USP24: variants seen among roughly 807,000 people sequenced by gnomAD.
USP24 encodes ubiquitin carboxyl-terminal hydrolase 24.
A neutral mutation model predicts 361.6 loss-of-function variants in USP24; 97 were observed. The ratio of observed to expected loss-of-function variants is 0.27; its 90% CI spans 0.23 to 0.32. The LOEUF is 0.32. Among genes scored for constraint, USP24 ranks in the 10% least tolerant of loss-of-function variants. The pLI, the probability that USP24 is intolerant of heterozygous loss-of-function variation, is 1.00. For missense variants in USP24, 2,353 were observed against 3,165.6 expected (o/e 0.74, Z 6.16); for synonymous variants, 1,098 against 1,124.6 (o/e 0.98, Z 0.47).
At position 55,215,291 on chromosome 1, in the gene USP24, C is replaced by G. The variant is rs947139739; in HGVS notation, c.-178G>C. On this transcript the variant is annotated 5_prime_UTR_variant, in exon 1 of 68. Transcript: ENST00000294383. ...GGGTGCGGGCTTGGGTCCTGCGAGCCGAGCTAGTGCGGTGAGGCGCTCAGG... is the reference window on the plus strand; with the variant it reads ...GGGTGCGGGCTTGGGTCCTGCGAGCGGAGCTAGTGCGGTGAGGCGCTCAGG... Among the ~76,000 whole-genome samples, 2 of 151,776 alleles carry G rather than the reference C, an allele frequency of 1.3e-5. No homozygotes were observed. Among genetic ancestry groups the G allele is most frequent in the Non-Finnish European group, 2.9e-5 (2 of 67,908 alleles).
chr1:55,165,751 G>A (rs929155848), intron 7 of USP24, 134 bp downstream of exon 7: 12 of 611,294 alleles, frequency 2.0e-5, no homozygotes, highest in East Asian at 1.4e-4. Context: ...TATCAGGACC[G>A]TGGAATCTGC....
At chr1:55,170,287 A>G (rs1649314571) in intron 5 of USP24, among the ~76,000 whole-genome samples, 1 of 152,056 alleles carries the variant, frequency 6.6e-6, no homozygotes, top group African/African-American at 2.4e-5. Context: ...CCTTTGTGGT[A>G]ATGAGAGGAA....
intron 38 of USP24, among the ~76,000 whole-genome samples, chr1:55,115,983 C>G (rs1272741320): frequency 6.6e-6 from 1 of 151,974 alleles, no homozygotes; most frequent in Non-Finnish European, 1.5e-5. Flanking sequence ...CACATGGACA[C>G]AGGGAGGGGA....
chr1:55,124,633 A>G lies in USP24; in HGVS notation c.3961-5T>C, dbSNP rs41312664. The G allele has an allele frequency of 5.3e-5, 85 of 1,613,750 alleles. No individual in the cohort carries two copies. The highest frequency in any genetic ancestry group is 7.1e-5 in the Non-Finnish European group (84 of 1,179,820). On this transcript the variant is annotated splice_region_variant and splice_polypyrimidine_tract_variant and intron_variant, in intron 34 of 67. Coordinates refer to ENST00000294383, the MANE Select transcript of USP24 (RefSeq NM_015306.3). ...GAAATCACTTACTTCCATTGTCTAA[A>G]GAATGGAACAAGTATTATGAGAAAG... is the stretch of plus-strand genomic sequence containing the variant.
chr1:55,073,005 C>T, intron 64 of USP24, 144 bp from the exon 65 acceptor site: 1 of 746,658 alleles, frequency 1.3e-6, no homozygotes, highest in Non-Finnish European at 2.1e-6. Context: ...CTAGAGTAGT[C>T]AAATTCATGG....
chr1:55,092,256 T>C (rs1645399808), intron 53 of USP24, 130 bp from the exon 54 acceptor site: 1 of 513,542 alleles, frequency 1.9e-6, no homozygotes, highest in South Asian at 4.1e-5. Flanking sequence ...AGTTAAATAC[T>C]AATAAGAAGA....
intron 1 of USP24, among the ~76,000 whole-genome samples, chr1:55,192,142 G>A (rs1306444402): frequency 8.1e-6 from 1 of 122,734 alleles, no homozygotes. Flanking sequence ...AAGTTAATAA[G>A]AGAGTTTAAT....
rs1557675716 is a variant in USP24, at chr1:55,178,715, AT to A, written c.325-584del. 4.9e-3 allele frequency among the ~76,000 whole-genome samples: 634 copies of A among 129,554 alleles called. 14 individuals carry two copies. The highest frequency in any genetic ancestry group is 0.024 in the African/African-American group (596 of 25,194). 85.0% of individuals were successfully genotyped at this position (129,554 alleles called of 152,430 possible). ...AATAAATAAATAAATAAATAAATAA[AT>A]AAATAAATAAATAAAAAGAACTGTC... is the stretch of plus-strand genomic sequence containing the variant. On this transcript the variant is annotated intron_variant, in intron 1 of 67. Transcript: ENST00000294383.
At chr1:55,186,954 A>G (rs1161855456) in intron 1 of USP24, among the ~76,000 whole-genome samples, 2 of 152,222 alleles carry the variant, frequency 1.3e-5, no homozygotes, top group Non-Finnish European at 2.9e-5. Flanking sequence ...CTTTAAAATA[A>G]TATACAAAGA....
At chr1:55,168,958 CAA>C (rs1649172300) in intron 5 of USP24, among the ~76,000 whole-genome samples, 1 of 151,870 alleles carries the variant, frequency 6.6e-6, no homozygotes, top group Non-Finnish European at 1.5e-5. Flanking sequence ...AATGAACAAA[CAA>C]ATAAGTATAC....
In USP24 at chr1:55,094,030, C is replaced by T. The variant is rs376169704; in HGVS notation, c.6261G>A (p.Pro2087=). 2.4e-4 allele frequency: 388 copies of T among 1,613,722 alleles called. No individual in the cohort carries two copies. Among genetic ancestry groups the T allele is most frequent in the Non-Finnish European group, 3.2e-4 (377 of 1,179,792 alleles). ...SPQSSPRPHR[P]NNDRLSILTK... is the part of the protein sequence containing the mutation. ...TAAGAATAGACAGCCGGTCATTGTT[C>T]GGCCTATGGGGCCGAGGGGATGACT... is the stretch of plus-strand genomic sequence containing the variant. Residue 2087 remains proline (P), a synonymous_variant, in exon 52 of 68, where the codon CCG becomes CCA. Coordinates refer to ENST00000294383, the MANE Select transcript of USP24 (RefSeq NM_015306.3).
chr1:55,132,708 T>C lies in USP24; in HGVS notation c.3382-8A>G, dbSNP rs368383889. 7 of 1,609,342 alleles carry C rather than the reference T, an allele frequency of 4.3e-6. No individual in the cohort carries two copies. The African/African-American group carries it at 9.4e-5, about 22-fold the overall frequency. On this transcript the variant is annotated splice_region_variant and splice_polypyrimidine_tract_variant and intron_variant, in intron 30 of 67. Transcript: ENST00000294383. ...TTCAGACAGCAATGTTTTCTAAGTT[T>C]AAGAGAATGAGAAAGACATAAACTA...
At position 55,078,584 on chromosome 1, in the gene USP24, C is replaced by G. The variant is rs754436968; in HGVS notation, c.7268G>C (p.Cys2423Ser). 1.2e-5 allele frequency: 20 copies of G among 1,612,058 alleles called. No individual in the cohort carries two copies. The highest frequency in any genetic ancestry group is 2.7e-5 in the African/African-American group (2 of 74,802). Residue 2423 changes from cysteine to serine, a missense_variant, in exon 61 of 68, where the codon TGT (cysteine) becomes TCT (serine). By Grantham distance (112) the Cys-to-Ser change is moderately radical (BLOSUM62 -1). Coordinates refer to ENST00000294383, the MANE Select transcript of USP24 (RefSeq NM_015306.3). ...LALIEMVVYC[C>S]FCNEHFSFTM... ...GAAGGAAAAATGCTCATTACAGAAACAGCAGTACACTACCATCTCAATGAG... is the reference window on the plus strand; with the variant it reads ...GAAGGAAAAATGCTCATTACAGAAAGAGCAGTACACTACCATCTCAATGAG...
chr1:55,147,085 A>G, intron 18 of USP24, 25 bp from the exon 19 acceptor site: 1 of 1,519,960 alleles, frequency 6.6e-7, no homozygotes, highest in South Asian at 1.3e-5. Flanking sequence ...AATGCTAATT[A>G]GTTAACTCCA....
chr1:55,194,388 C>A (rs886100716), intron 1 of USP24, among the ~76,000 whole-genome samples: 1 of 152,144 alleles, frequency 6.6e-6, no homozygotes, highest in Non-Finnish European at 1.5e-5. Context: ...AGGATTCCTA[C>A]ACAGATGAGG....
At chr1:55,127,852 C>T (rs1249943589) in intron 32 of USP24, among the ~76,000 whole-genome samples, 1 of 152,086 alleles carries the variant, frequency 6.6e-6, no homozygotes, top group African/African-American at 2.4e-5. Context: ...TTACTATCAC[C>T]CCTTTTTTCT....
Position 55,087,987 on chromosome 1 carries a change from A to G in USP24, c.6668+1640T>C, listed in dbSNP as rs376910214. On this transcript the variant is annotated intron_variant, in intron 55 of 67. Coordinates refer to ENST00000294383, the MANE Select transcript of USP24 (RefSeq NM_015306.3). ...AGGAACCAATGAGCCAGTATGGCTA[A>G]AGCCTGACAAGCAGAGAGTGAGTCA... 9.2e-4 allele frequency among the ~76,000 whole-genome samples: 140 copies of G among 152,354 alleles called. 4 individuals carry two copies. The South Asian group carries it at 0.027, about 30-fold the overall frequency.
At chr1:55,100,705 T>C (rs898964351) in intron 44 of USP24, 134 bp downstream of exon 44, 22 of 961,328 alleles carry the variant, frequency 2.3e-5, no homozygotes, top group South Asian at 3.0e-5. Flanking sequence ...AACAATGGTA[T>C]ACCAAATCCT....
chr1:55,182,563 C>T (rs1466172810), intron 1 of USP24, among the ~76,000 whole-genome samples: 4 of 152,064 alleles, frequency 2.6e-5, no homozygotes, highest in African/African-American at 9.7e-5. Flanking sequence ...ATGTACCTAG[C>T]AGATATTAAA....
Sources: gnomAD v4.1 joint callset for allele counts (sites outside exome capture counted in the v4.1 genomes callset) on GRCh38, gnomAD v4.1.1 for gene constraint, MANE v1.5 for transcripts, NCBI Gene and HGNC (gene_info 2026-07-23, HGNC 2026-07-21) for gene names.